The following NEGR1 variants were observed in gnomAD, a reference collection of about 807,000 sequenced individuals.
NEGR1 encodes the protein IgLON family member 4.
Under a neutral mutation model 40.9 loss-of-function variants are expected in NEGR1, and 10 were observed. The ratio of observed to expected loss-of-function variants is 0.24; its 90% CI spans 0.15 to 0.42. The LOEUF (loss-of-function observed/expected upper bound fraction) is 0.42, where lower values mean the gene tolerates loss of function less well. Among genes scored for constraint, NEGR1 ranks in the 10% least tolerant of loss-of-function variants. The probability of loss-of-function intolerance (pLI) is 1.00; values close to 1 mark genes in which losing one functional copy is unlikely to be tolerated. For synonymous variants in NEGR1, 185 were observed against 166.8 expected (o/e 1.11, Z -0.84); for missense variants, 352 against 438.9 (o/e 0.80, Z 1.77).
intron 4 of NEGR1, among the ~76,000 whole-genome samples, chr1:71,649,895 G>A (rs1323870868): frequency 6.6e-6 from 1 of 151,988 alleles, no homozygotes; most frequent in Non-Finnish European, 1.5e-5. Flanking sequence ...CTCTGTGTCT[G>A]TAAAATGATG....
intron 1 of NEGR1, among the ~76,000 whole-genome samples, chr1:72,093,741 A>AT (rs556405277): frequency 1.8e-3 from 271 of 152,248 alleles, no homozygotes; most frequent in Non-Finnish European, 3.4e-3. Context: ...CTTCAGCTTG[A>AT]TTAGATGGGA....
chr1:72,257,659 G>A (rs759562428), intron 1 of NEGR1, among the ~76,000 whole-genome samples: 42 of 152,172 alleles, frequency 2.8e-4, no homozygotes, highest in Non-Finnish European at 5.3e-4. Flanking sequence ...CACCTCTACC[G>A]GAGTATTTAC....
In NEGR1 at chr1:71,501,236, C is replaced by T. The variant is rs1486652178; in HGVS notation, c.940+91581G>A. Among the ~76,000 whole-genome samples the T allele has an allele frequency of 5.9e-5, 9 of 152,006 alleles. No homozygotes were observed. The East Asian group carries it at 1.7e-3, about 29-fold the overall frequency. ...TGATAAAGACATAGCTTTTTAATAA[C>T]TTGGCATATATACGCAAATGATTTA... On this transcript the variant is annotated intron_variant, in intron 6 of 6. Transcript: ENST00000357731.
intron 2 of NEGR1, among the ~76,000 whole-genome samples, chr1:71,876,585 CAAGGAAGGAAGGAAGGAAAGAAGG>C (rs970122034): frequency 3.7e-5 from 5 of 135,334 alleles, no homozygotes; most frequent in South Asian, 2.4e-4. Flanking sequence ...GGGAGGGAGG[CAAGGAAGGAAGGAAGGAAAGAAGG>C]AAGGAAGGAA....
intron 1 of NEGR1, among the ~76,000 whole-genome samples, chr1:71,943,464 T>C (rs1645991108): frequency 6.6e-6 from 1 of 151,924 alleles, no homozygotes; most frequent in African/African-American, 2.4e-5. Context: ...TAAACTGTTT[T>C]TCTGCAATAC....
At chr1:72,232,168 A>G (rs1654387599) in intron 1 of NEGR1, among the ~76,000 whole-genome samples, 1 of 151,990 alleles carries the variant, frequency 6.6e-6, no homozygotes, top group Non-Finnish European at 1.5e-5. Flanking sequence ...AGCTTGGCCG[A>G]TATGGTGAAA....
At chr1:71,885,471 T>C (rs1332001604) in intron 2 of NEGR1, among the ~76,000 whole-genome samples, 1 of 152,178 alleles carries the variant, frequency 6.6e-6, no homozygotes, top group Non-Finnish European at 1.5e-5. Flanking sequence ...TTTTTTAGAG[T>C]TTTTATTATA....
At chr1:72,041,493 G>A (rs1029070675) in intron 1 of NEGR1, among the ~76,000 whole-genome samples, 1 of 133,906 alleles carries the variant, frequency 7.5e-6, no homozygotes, top group Admixed American at 7.7e-5. Flanking sequence ...TTTCTGTCTT[G>A]AATTGTTTGT....
At chr1:72,217,049 T>C (rs923769408) in intron 1 of NEGR1, among the ~76,000 whole-genome samples, 1 of 151,772 alleles carries the variant, frequency 6.6e-6, no homozygotes, top group Non-Finnish European at 1.5e-5. Context: ...CTATATCTTC[T>C]ATAAATTATA....
chr1:71,491,149 A>T (rs12142140), intron 6 of NEGR1, among the ~76,000 whole-genome samples: 24,564 of 152,072 alleles, frequency 0.16, 2,650 homozygotes, highest in Non-Finnish European at 0.24. Flanking sequence ...ACATGTAGAC[A>T]TTTTTATTGT....
intron 1 of NEGR1, among the ~76,000 whole-genome samples, chr1:71,999,777 A>G (rs1019042198): frequency 6.7e-6 from 1 of 149,644 alleles, no homozygotes; most frequent in Non-Finnish European, 1.5e-5. Context: ...CATACTATCA[A>G]TGATGCTACT....
intron 4 of NEGR1, among the ~76,000 whole-genome samples, chr1:71,618,181 C>T (rs1300951638): frequency 6.6e-6 from 1 of 152,172 alleles, no homozygotes; most frequent in African/African-American, 2.4e-5. Context: ...GCATGATCGT[C>T]TTGCTCAGCT....
chr1:72,056,030 C>T (rs1647107121), intron 1 of NEGR1, among the ~76,000 whole-genome samples: 2 of 150,986 alleles, frequency 1.3e-5, no homozygotes, highest in South Asian at 2.1e-4. Flanking sequence ...GTATATTTCT[C>T]TTCTCAATTT....
intron 1 of NEGR1, among the ~76,000 whole-genome samples, chr1:72,037,810 T>A (rs528127440): frequency 1.3e-5 from 2 of 152,278 alleles, no homozygotes; most frequent in South Asian, 4.1e-4. Flanking sequence ...AATGCAACTC[T>A]AATAGTAGAA....
intron 6 of NEGR1, among the ~76,000 whole-genome samples, chr1:71,415,935 T>C (rs1646351913): frequency 6.6e-6 from 1 of 152,184 alleles, no homozygotes. Context: ...TGTGTGTATG[T>C]GTGTTTTAAA....
chr1:71,639,206 G>GAA (rs111324697), intron 4 of NEGR1, among the ~76,000 whole-genome samples: 76 of 116,424 alleles, frequency 6.5e-4, no homozygotes, highest in African/African-American at 1.8e-3. Flanking sequence ...GATGTTCAGG[G>GAA]AAAAAAAAAA....
intron 1 of NEGR1, among the ~76,000 whole-genome samples, chr1:72,108,680 G>A (rs1243120928): frequency 2.6e-5 from 4 of 151,506 alleles, no homozygotes; most frequent in Non-Finnish European, 5.9e-5. Flanking sequence ...ATAATTTACG[G>A]GAGATTATAA....
chr1:71,959,717 C>T (rs1344664494), intron 1 of NEGR1, among the ~76,000 whole-genome samples: 3 of 152,088 alleles, frequency 2.0e-5, no homozygotes, highest in Middle Eastern at 3.4e-3. Flanking sequence ...TGCTTCTAAA[C>T]TTCTATGTAT....
intron 2 of NEGR1, among the ~76,000 whole-genome samples, chr1:71,780,015 G>T (rs183960861): frequency 7.9e-6 from 1 of 125,850 alleles, no homozygotes; most frequent in East Asian, 2.4e-4. Context: ...AGGGCGCATC[G>T]TGCTAAGCAC....
Sources: allele counts gnomAD v4.1 joint callset (sites outside exome capture counted in the v4.1 genomes callset), GRCh38; gene constraint gnomAD v4.1.1; transcripts MANE v1.5; gene names NCBI Gene and HGNC (gene_info 2026-07-23, HGNC 2026-07-21).